Variants in CD8B2 observed in about 807,000 individuals in gnomAD.
The protein encoded by CD8B2 is T-cell surface glycoprotein CD8 beta-2 chain.
Under a neutral mutation model 23.7 loss-of-function variants are expected in CD8B2, and 11 were observed. The ratio of observed to expected loss-of-function variants is 0.46; its 90% CI spans 0.29 to 0.77. The LOEUF (loss-of-function observed/expected upper bound fraction) is 0.77, where lower values mean the gene tolerates loss of function less well. Among genes scored for constraint, CD8B2 ranks in the 30% least tolerant of loss-of-function variants. The pLI, the probability that CD8B2 is intolerant of heterozygous loss-of-function variation, is 0.09. For synonymous variants in CD8B2, 90 were observed against 109.3 expected (o/e 0.82, Z 1.10); for missense variants, 197 against 270.5 (o/e 0.73, Z 1.91).
At chr2:106,511,186 G>A (rs1404923940), downstream of CD8B2, 2 of 152,310 alleles carry the variant, frequency 1.3e-5, no homozygotes, top group East Asian at 1.9e-4. Context: ...TGGAAATCAC[G>A]GTGAGGCAGG....
At chr2:106,497,829 A>T (rs1053542588) in intron 3 of CD8B2, among the ~76,000 whole-genome samples, 3 of 152,178 alleles carry the variant, frequency 2.0e-5, no homozygotes, top group Admixed American at 6.6e-5. Flanking sequence ...CTACAATAAA[A>T]AGGATATAAA....
chr2:106,540,666 G>C (rs1680158486), intron 5 of CD8B2, among the ~76,000 whole-genome samples: 1 of 152,048 alleles, frequency 6.6e-6, no homozygotes, highest in Non-Finnish European at 1.5e-5. Context: ...CTGGGTTCCA[G>C]TGATTCTCCT....
intron 5 of CD8B2, among the ~76,000 whole-genome samples, chr2:106,531,941 T>C (rs1172921106): frequency 6.6e-6 from 1 of 152,210 alleles, no homozygotes; most frequent in Non-Finnish European, 1.5e-5. Context: ...GCATGGCCTT[T>C]TGAAGTCATT....
rs1679522533 is a variant in CD8B2 at position 106,507,044 on chromosome 2, A to G, written c.*104A>G. The stretch of plus-strand genomic sequence containing the variant: ...GGACACATTCAACCCTGGAGAGTTC[A>G]ATGGCTGCTGAAGCTGCCTGCTTTT... On this transcript the variant is annotated 3_prime_UTR_variant, in exon 6 of 6. Transcript: ENST00000643224. 2.7e-6 allele frequency: 4 copies of G among 1,498,900 alleles called. No individual in the cohort carries two copies. Among genetic ancestry groups the G allele is most frequent in the Non-Finnish European group, 3.6e-6 (4 of 1,122,416 alleles). 92.9% of individuals were successfully genotyped at this position (1,498,900 alleles called of 1,614,324 possible). A position where few individuals can be genotyped will look rare whatever the true frequency, so the allele number is the denominator to read the frequency against.
chr2:106,524,633 C>T (rs1490078745), intron 5 of CD8B2, among the ~76,000 whole-genome samples: 1 of 152,186 alleles, frequency 6.6e-6, no homozygotes, highest in Non-Finnish European at 1.5e-5. Context: ...CCCAAGTGCA[C>T]ATTATGGGTC....
At chr2:106,505,287 C>T (rs1370216346) in intron 5 of CD8B2, among the ~76,000 whole-genome samples, 1 of 152,170 alleles carries the variant, frequency 6.6e-6, no homozygotes, top group African/African-American at 2.4e-5. Context: ...AGCAAAAGTA[C>T]ACAACTCTAA....
intron 5 of CD8B2, among the ~76,000 whole-genome samples, chr2:106,532,295 A>G (rs899124715): frequency 2.6e-5 from 4 of 152,146 alleles, no homozygotes; most frequent in Non-Finnish European, 4.4e-5. Context: ...TTGGAAGCCA[A>G]TTGTCCAGTT....
chr2:106,492,745 G>T (rs553203472), intron 2 of CD8B2, among the ~76,000 whole-genome samples: 1 of 152,312 alleles, frequency 6.6e-6, no homozygotes, highest in East Asian at 1.9e-4. Flanking sequence ...TGCAGGGGCA[G>T]CTGGGGACAG....
intron 5 of CD8B2, chr2:106,535,129 A>G (rs1680066641): frequency 6.6e-6 from 1 of 152,178 alleles, no homozygotes; most frequent in Admixed American, 6.6e-5. Flanking sequence ...GCCAAGACCT[A>G]ATGTTTTGCA....
intron 5 of CD8B2, among the ~76,000 whole-genome samples, chr2:106,529,954 G>A (rs577026096): frequency 6.6e-6 from 1 of 152,294 alleles, no homozygotes; most frequent in South Asian, 2.1e-4. Context: ...AACCACATAA[G>A]TGGGACTACG....
Position 106,507,015 on chromosome 2 carries a change from G to A in CD8B2, c.*75G>A, listed in dbSNP as rs1394447847. ...ACGAGCACGATGTGGAAAAATGAGA[G>A]AAGGGACACATTCAACCCTGGAGAG... On this transcript the variant is annotated 3_prime_UTR_variant, in exon 6 of 6. Transcript: ENST00000643224. The A allele has an allele frequency of 6.6e-7, 1 of 1,526,390 alleles. No individual in the cohort carries two copies. The highest frequency in any genetic ancestry group is 8.8e-7 in the Non-Finnish European group (1 of 1,135,574). 94.6% of individuals were successfully genotyped at this position (1,526,390 alleles called of 1,614,324 possible).
At chr2:106,538,116 G>GT (rs1174410738) in intron 5 of CD8B2, 2 of 152,178 alleles carry the variant, frequency 1.3e-5, no homozygotes, top group African/African-American at 4.8e-5. Flanking sequence ...CTAGGGAAGC[G>GT]TAAGTCATCA....
chr2:106,512,481 G>T (rs1472590844), downstream of CD8B2, among the ~76,000 whole-genome samples: 1 of 152,036 alleles, frequency 6.6e-6, no homozygotes, highest in African/African-American at 2.4e-5. Context: ...TTGGGTGTGT[G>T]TGTGTGTGTA....
chr2:106,539,588 T>C (rs1680141990), intron 5 of CD8B2, among the ~76,000 whole-genome samples: 1 of 152,228 alleles, frequency 6.6e-6, no homozygotes, highest in Non-Finnish European at 1.5e-5. Flanking sequence ...TGCTCTTTGC[T>C]GCTTAATTCC....
chr2:106,533,595 G>A (rs1036151717), intron 5 of CD8B2, among the ~76,000 whole-genome samples: 1 of 152,170 alleles, frequency 6.6e-6, no homozygotes, highest in Non-Finnish European at 1.5e-5. Context: ...GCTAAAACAA[G>A]GATCTCAGCT....
intron 5 of CD8B2, among the ~76,000 whole-genome samples, chr2:106,539,575 C>T (rs886852559): frequency 6.6e-6 from 1 of 152,188 alleles, no homozygotes; most frequent in African/African-American, 2.4e-5. Context: ...TTCTGGGCAT[C>T]ATTGCTCTTT....
intron 5 of CD8B2, among the ~76,000 whole-genome samples, chr2:106,537,017 A>G (rs1270751962): frequency 6.6e-6 from 1 of 152,150 alleles, no homozygotes; most frequent in Non-Finnish European, 1.5e-5. Context: ...CCAATAGGAC[A>G]CATCTGTGCT....
intron 5 of CD8B2, among the ~76,000 whole-genome samples, chr2:106,536,841 C>T (rs1005918772): frequency 3.3e-5 from 5 of 152,070 alleles, no homozygotes; most frequent in Admixed American, 2.0e-4. Context: ...TATATGATGG[C>T]GCAAATAGTG....
chr2:106,519,675 T>C (rs956072631), intron 5 of CD8B2, among the ~76,000 whole-genome samples: 1 of 152,224 alleles, frequency 6.6e-6, no homozygotes, highest in Non-Finnish European at 1.5e-5. Context: ...TCCACCTTCG[T>C]GTAACACAGG....
Sources: allele counts gnomAD v4.1 joint callset (sites outside exome capture counted in the v4.1 genomes callset), GRCh38; gene constraint gnomAD v4.1.1; transcripts MANE v1.5; gene names NCBI Gene and HGNC (gene_info 2026-07-23, HGNC 2026-07-21).